Variants in MYO3A observed in about 807,000 individuals in gnomAD.
MYO3A encodes myosin IIIA.
A neutral mutation model predicts 192.7 loss-of-function variants in MYO3A; 180 were observed. The ratio of observed to expected loss-of-function variants is 0.93; its 90% CI spans 0.83 to 1.06. The LOEUF (loss-of-function observed/expected upper bound fraction) is 1.06, where lower values mean the gene tolerates loss of function less well. MYO3A is among the 50% of genes least tolerant of loss of function. MYO3A has a pLI of 0.00. For synonymous variants in MYO3A, 628 were observed against 645.3 expected (o/e 0.97, Z 0.41); for missense variants, 1,896 against 1,905.0 (o/e 1.00, Z 0.09).
chr10:26,178,797 T>G (rs986492877), intron 31 of MYO3A, among the ~76,000 whole-genome samples: 4 of 151,782 alleles, frequency 2.6e-5, no homozygotes, highest in Non-Finnish European at 5.9e-5. Flanking sequence ...AATGTTTATT[T>G]ATTTATTTAT....
chr10:25,936,257 TG>T (rs1385532547), intron 2 of MYO3A, among the ~76,000 whole-genome samples: 1 of 152,090 alleles, frequency 6.6e-6, no homozygotes, highest in Non-Finnish European at 1.5e-5. Flanking sequence ...ATATATTCTT[TG>T]AAAAATAACT....
At chr10:26,179,859 AG>A (rs1461315076) in intron 31 of MYO3A, among the ~76,000 whole-genome samples, 1 of 152,204 alleles carries the variant, frequency 6.6e-6, no homozygotes, top group Non-Finnish European at 1.5e-5. Flanking sequence ...TTTGAGACAG[AG>A]TCTCACTCTT....
intron 29 of MYO3A, among the ~76,000 whole-genome samples, chr10:26,172,084 C>T (rs1056187788): frequency 1.3e-5 from 2 of 152,166 alleles, no homozygotes; most frequent in African/African-American, 4.8e-5. Flanking sequence ...CAAAGTCAGA[C>T]ATGAAAGAAG....
Position 26,212,277 on chromosome 10 carries a change from T to G in MYO3A, c.*314T>G. 2.3e-6 allele frequency: 1 copy of G among 442,594 alleles called. No individual in the cohort carries two copies. The highest frequency in any genetic ancestry group is 3.7e-5 in the Admixed American group (1 of 26,978). 27.4% of individuals were successfully genotyped at this position (442,594 alleles called of 1,614,324 possible). ...AATCTATCACTTTGTTCTTTTTTTT[T>G]GTGACTCCTGTGGACTCCACTGCGC... On this transcript the variant is annotated 3_prime_UTR_variant, in exon 35 of 35. Transcript: ENST00000642920.
intron 4 of MYO3A, among the ~76,000 whole-genome samples, chr10:25,979,092 T>C (rs1016298565): frequency 6.6e-6 from 1 of 152,222 alleles, no homozygotes; most frequent in Non-Finnish European, 1.5e-5. Context: ...CATTCTAGTG[T>C]GACTTTAACT....
intron 6 of MYO3A, among the ~76,000 whole-genome samples, chr10:26,011,801 C>T (rs1262736920): frequency 6.6e-6 from 1 of 152,022 alleles, no homozygotes; most frequent in Non-Finnish European, 1.5e-5. Context: ...CTGGAAAGGA[C>T]ACAACTACAG....
intron 21 of MYO3A, 86 bp downstream of exon 21, chr10:26,143,687 C>G: frequency 6.6e-7 from 1 of 1,521,298 alleles, no homozygotes; most frequent in Admixed American, 1.7e-5. Context: ...TTTAAATTAT[C>G]TGGAAGAAAA....
At chr10:26,020,059 TATATATGCAC>T (rs1419007782) in intron 7 of MYO3A, among the ~76,000 whole-genome samples, 3 of 152,230 alleles carry the variant, frequency 2.0e-5, no homozygotes, top group African/African-American at 7.2e-5. Flanking sequence ...TATAGACATA[TATATATGCAC>T]ATATATGCAC....
chr10:26,006,236 G>A (rs920566183), intron 6 of MYO3A, among the ~76,000 whole-genome samples: 9 of 152,032 alleles, frequency 5.9e-5, no homozygotes, highest in Non-Finnish European at 8.8e-5. Context: ...AAAGCAGTGT[G>A]TAGAGGGAAA....
At chr10:26,108,156 G>C (rs1837945514) in intron 17 of MYO3A, among the ~76,000 whole-genome samples, 2 of 152,104 alleles carry the variant, frequency 1.3e-5, no homozygotes, top group African/African-American at 4.8e-5. Context: ...ACAGTTTATT[G>C]TTTGCTACAT....
intron 20 of MYO3A, among the ~76,000 whole-genome samples, chr10:26,133,194 AG>A (rs1406681606): frequency 3.3e-4 from 50 of 152,322 alleles, no homozygotes; most frequent in Non-Finnish European, 8.8e-5. Flanking sequence ...TAGCTCTCCA[AG>A]TGATAAGCAT....
rs192054056 is a variant in MYO3A at position 25,985,676 on chromosome 10, A to G, written c.304-10814A>G. ...TAGAATCTCTGAACAGACCAATAAC[A>G]AGCAGCAAGTTTGAAATGGTAATAA... On this transcript the variant is annotated intron_variant, in intron 4 of 34. Transcript: ENST00000642920. 3.6e-3 allele frequency among the ~76,000 whole-genome samples: 546 copies of G among 151,688 alleles called. 3 individuals are homozygous for G. Among genetic ancestry groups the G allele is most frequent in the Non-Finnish European group, 5.2e-3 (353 of 67,670 alleles).
chr10:26,115,651 CA>C (rs1485578441), intron 17 of MYO3A, among the ~76,000 whole-genome samples: 1 of 152,142 alleles, frequency 6.6e-6, no homozygotes, highest in Non-Finnish European at 1.5e-5. Flanking sequence ...CCTAAACAAA[CA>C]TAACTAAATT....
At chr10:25,941,837 T>C (rs1288510990) in intron 2 of MYO3A, among the ~76,000 whole-genome samples, 1 of 152,192 alleles carries the variant, frequency 6.6e-6, no homozygotes, top group Non-Finnish European at 1.5e-5. Flanking sequence ...AAACATCTCA[T>C]ATGAGTGGAA....
At chr10:25,968,389 C>G (rs1044441188) in intron 4 of MYO3A, among the ~76,000 whole-genome samples, 1 of 152,062 alleles carries the variant, frequency 6.6e-6, no homozygotes, top group Non-Finnish European at 1.5e-5. Flanking sequence ...GAGACCTGCA[C>G]TATAAAAAAT....
intron 4 of MYO3A, among the ~76,000 whole-genome samples, chr10:25,963,531 T>C (rs1290651121): frequency 1.3e-5 from 2 of 152,132 alleles, no homozygotes; most frequent in Non-Finnish European, 2.9e-5. Flanking sequence ...TGCGGACTTG[T>C]ATATTTGTGA....
intron 14 of MYO3A, among the ~76,000 whole-genome samples, chr10:26,073,944 AGTATAAAGGGTGACTCTTACT>A (rs2131409408): frequency 6.6e-6 from 1 of 152,292 alleles, no homozygotes; most frequent in African/African-American, 2.4e-5. Flanking sequence ...AGAGCTGTAC[AGTATAAAGGGTGACTCTTACT>A]GTATGTAAAT....
intron 17 of MYO3A, among the ~76,000 whole-genome samples, chr10:26,111,824 G>T (rs1239375421): frequency 2.6e-5 from 4 of 152,202 alleles, no homozygotes; most frequent in Non-Finnish European, 5.9e-5. Flanking sequence ...GAAGCTCAGG[G>T]CATCCTTCTA....
rs763198133 is a variant in MYO3A at position 26,088,185 on chromosome 10, T to G, written c.1360-18T>G. The G allele has an allele frequency of 4.5e-5, 69 of 1,539,822 alleles. No individual in the cohort carries two copies. The East Asian group carries it at 1.5e-3, about 34-fold the overall frequency. ...AATTTTTTATGTTTTTAAAAATATCTTAATATTTTCTATTTAGGCTAATAA... is the reference window on the plus strand; with the variant it reads ...AATTTTTTATGTTTTTAAAAATATCGTAATATTTTCTATTTAGGCTAATAA... On this transcript the variant is annotated intron_variant, in intron 14 of 34. Transcript: ENST00000642920.
Sources: allele counts gnomAD v4.1 joint callset (sites outside exome capture counted in the v4.1 genomes callset), GRCh38; gene constraint gnomAD v4.1.1; transcripts MANE v1.5; gene names NCBI Gene and HGNC (gene_info 2026-07-23, HGNC 2026-07-21).